ADAMTSL1: variants seen among roughly 807,000 people sequenced by gnomAD.
ADAMTSL1 encodes the protein ADAMTS like 1.
A neutral mutation model predicts 201.8 loss-of-function variants in ADAMTSL1; 126 were observed. The observed-to-expected ratio is 0.62, with a 90% confidence interval of 0.54 to 0.72. The LOEUF (loss-of-function observed/expected upper bound fraction) is 0.72. ADAMTSL1 is among the 30% of genes least tolerant of loss of function. The pLI is 0.00. For missense variants in ADAMTSL1, 2,679 were observed against 2,277.8 expected (o/e 1.18, Z -3.59); for synonymous variants, 1,121 against 903.4 (o/e 1.24, Z -4.32).
chr9:18,680,490 A>G lies in ADAMTSL1; in HGVS notation c.1315A>G (p.Lys439Glu). Residue 439 changes from lysine to glutamate, a missense_variant, in exon 11 of 29, where the codon AAA (lysine) becomes GAA (glutamate). Lys to Glu is a moderately conservative substitution (Grantham distance 56, BLOSUM62 1). Transcript: ENST00000380548. Reference sequence around the variant, plus strand: ...GCCCTGCAACATTTTTGACTGCCCTAAATGGCTGGCACAGGAGTGGTCTCC... The same window carrying G: ...GCCCTGCAACATTTTTGACTGCCCTGAATGGCTGGCACAGGAGTGGTCTCC... ...AQPCNIFDCPKWLAQEWSPCT... is the reference protein window; with the variant it reads ...AQPCNIFDCPEWLAQEWSPCT... 6.2e-7 allele frequency: 1 copy of G among 1,614,130 alleles called. No individual in the cohort carries two copies. Among genetic ancestry groups the G allele is most frequent in the Non-Finnish European group, 8.5e-7 (1 of 1,180,004 alleles).
chr9:18,129,876 A>G (rs142236262), intron 1 of ADAMTSL1, among the ~76,000 whole-genome samples: 1 of 152,298 alleles, frequency 6.6e-6, no homozygotes, highest in East Asian at 1.9e-4. Context: ...CCCCAGGGAA[A>G]CAGGGAAGCA....
chr9:18,220,153 G>A (rs7872203), intron 2 of ADAMTSL1, among the ~76,000 whole-genome samples: 2,079 of 152,088 alleles, frequency 0.014, 55 homozygotes, highest in African/African-American at 0.048. Flanking sequence ...GATCAAATTC[G>A]TATCTTTACT....
intron 1 of ADAMTSL1, among the ~76,000 whole-genome samples, chr9:17,983,951 T>C (rs1818822693): frequency 6.6e-6 from 1 of 152,166 alleles, no homozygotes. Context: ...ATACATTACT[T>C]GGTTTGTAAA....
chr9:18,827,177 A>AAAT lies in ADAMTSL1; in HGVS notation c.4114+714_4114+715insAAT, dbSNP rs1554643642. 4.0e-3 allele frequency among the ~76,000 whole-genome samples: 597 copies of AAAT among 147,414 alleles called. 5 individuals carry two copies. The highest frequency in any genetic ancestry group is 0.014 in the African/African-American group (550 of 39,954). On this transcript the variant is annotated intron_variant, in intron 22 of 28. Transcript: ENST00000380548. ...GAGATAAAGTTAAAAAAAAAAAAAA[A>AAAT]TTTTTTTTGGCTTTCTCAAAAAAAA... is the stretch of plus-strand genomic sequence containing the variant.
At chr9:18,251,158 A>T (rs1831450962) in intron 2 of ADAMTSL1, among the ~76,000 whole-genome samples, 1 of 152,174 alleles carries the variant, frequency 6.6e-6, no homozygotes, top group East Asian at 1.9e-4. Flanking sequence ...TTACTGTAAA[A>T]ACTGAAAATG....
intron 19 of ADAMTSL1, among the ~76,000 whole-genome samples, chr9:18,781,109 G>A (rs535840594): frequency 6.6e-6 from 1 of 152,158 alleles, no homozygotes; most frequent in South Asian, 2.1e-4. Context: ...AACTCCAATG[G>A]CTTTAAGATG....
chr9:18,044,977 A>G (rs1340100100), intron 1 of ADAMTSL1, among the ~76,000 whole-genome samples: 1 of 152,126 alleles, frequency 6.6e-6, no homozygotes, highest in Non-Finnish European at 1.5e-5. Flanking sequence ...TTCATTATTG[A>G]TTTTAAATGT....
intron 2 of ADAMTSL1, among the ~76,000 whole-genome samples, chr9:18,516,790 C>A (rs1818386699): frequency 6.6e-6 from 1 of 152,122 alleles, no homozygotes; most frequent in Admixed American, 6.5e-5. Context: ...GAAATGTGTG[C>A]CCCTAAAAAG....
chr9:18,490,722 C>T (rs775232210), intron 1 of ADAMTSL1, among the ~76,000 whole-genome samples: 3 of 152,074 alleles, frequency 2.0e-5, no homozygotes, highest in East Asian at 1.9e-4. Flanking sequence ...GGGGAGAACT[C>T]GCTGCCAAAG....
At chr9:18,858,677 T>C (rs1412328766) in intron 23 of ADAMTSL1, among the ~76,000 whole-genome samples, 2 of 152,296 alleles carry the variant, frequency 1.3e-5, no homozygotes, top group East Asian at 3.9e-4. Flanking sequence ...GATCCCTGAT[T>C]ATTGCCTTCC....
chr9:18,475,621 C>CAAAG (rs1342948114), intron 1 of ADAMTSL1, among the ~76,000 whole-genome samples: 1 of 152,086 alleles, frequency 6.6e-6, no homozygotes, highest in Non-Finnish European at 1.5e-5. Context: ...CTGAAAAATA[C>CAAAG]AAAGAACAGA....
intron 4 of ADAMTSL1, among the ~76,000 whole-genome samples, chr9:18,613,540 G>A (rs1437011516): frequency 6.6e-6 from 1 of 152,172 alleles, no homozygotes; most frequent in Admixed American, 6.5e-5. Context: ...CCACAAAAAA[G>A]AATGAGATTA....
At chr9:18,455,269 T>G (rs570398039) in intron 2 of ADAMTSL1, among the ~76,000 whole-genome samples, 1 of 152,336 alleles carries the variant, frequency 6.6e-6, no homozygotes, top group South Asian at 2.1e-4. Context: ...TAAAACAGAA[T>G]AGCGTATTCA....
intron 1 of ADAMTSL1, among the ~76,000 whole-genome samples, chr9:18,475,679 G>A (rs1243583306): frequency 6.6e-6 from 1 of 152,108 alleles, no homozygotes; most frequent in African/African-American, 2.4e-5. Flanking sequence ...TTTATGAAAG[G>A]TGTCTCATTT....
chr9:18,044,127 A>G (rs1388738548), intron 1 of ADAMTSL1, among the ~76,000 whole-genome samples: 1 of 151,182 alleles, frequency 6.6e-6, no homozygotes, highest in Admixed American at 6.6e-5. Context: ...AATAGGTTTA[A>G]GTCATATTTC....
chr9:18,896,737 A>G (rs973726338), intron 26 of ADAMTSL1, among the ~76,000 whole-genome samples: 1 of 152,122 alleles, frequency 6.6e-6, no homozygotes, highest in Non-Finnish European at 1.5e-5. Flanking sequence ...GGATCAGGAG[A>G]TCCCCTAGTG....
intron 20 of ADAMTSL1, among the ~76,000 whole-genome samples, chr9:18,807,467 A>AC (rs1395696639): frequency 6.6e-6 from 1 of 151,964 alleles, no homozygotes; most frequent in Non-Finnish European, 1.5e-5. Flanking sequence ...ACACGGTGAA[A>AC]CCCCGTCTCT....
rs1443375972 is a variant in ADAMTSL1, at chr9:18,908,529, G to A, written c.5270G>A (p.Gly1757Glu). ...AGCCAGTTTAAATCTCGCTGCTGTGGAACTTGTGGCAAAGCGTGAAGATAG... is the reference window on the plus strand; with the variant it reads ...AGCCAGTTTAAATCTCGCTGCTGTGAAACTTGTGGCAAAGCGTGAAGATAG... Reference protein sequence around the residue: ...QLSQFKSRCCGTCGKA With the variant: ...QLSQFKSRCCETCGKA Residue 1757 changes from glycine to glutamate, a missense_variant, in exon 29 of 29, where the codon GGA (glycine) becomes GAA (glutamate). By Grantham distance (98) the Gly-to-Glu change is moderately conservative. Transcript: ENST00000380548. The A allele has an allele frequency of 1.9e-6, 3 of 1,562,046 alleles. No homozygotes were observed. In the East Asian group the frequency reaches 7.2e-5, roughly 37 times the overall value.
intron 3 of ADAMTSL1, 21 bp from the exon 4 acceptor site, chr9:18,574,009 C>T (rs185147701): frequency 4.0e-5 from 64 of 1,602,720 alleles, no homozygotes; most frequent in South Asian, 3.3e-4. Flanking sequence ...TTTGTATGTC[C>T]TTTCTCTCTT....
Sources: gnomAD v4.1 joint callset for allele counts (sites outside exome capture counted in the v4.1 genomes callset) on GRCh38, gnomAD v4.1.1 for gene constraint, MANE v1.5 for transcripts, NCBI Gene and HGNC (gene_info 2026-07-23, HGNC 2026-07-21) for gene names.